FAM135B: variants seen among roughly 807,000 people sequenced by gnomAD.
FAM135B encodes family with sequence similarity 135 member B.
In FAM135B, 43 loss-of-function variants were observed where a neutral mutation model predicts 127.7. That is an observed-to-expected ratio of 0.34 (90% CI 0.26 to 0.43). The LOEUF (loss-of-function observed/expected upper bound fraction) is 0.43, where lower values mean the gene tolerates loss of function less well. FAM135B is among the 20% of genes least tolerant of loss of function. FAM135B has a pLI of 1.00. For synonymous variants in FAM135B, 670 were observed against 665.1 expected (o/e 1.01, Z -0.11); for missense variants, 1,558 against 1,725.6 (o/e 0.90, Z 1.72).
intron 2 of FAM135B, among the ~76,000 whole-genome samples, chr8:138,344,363 T>C (rs1224531461): frequency 6.6e-6 from 1 of 152,108 alleles, no homozygotes; most frequent in African/African-American, 2.4e-5. Flanking sequence ...AGCTCGCCTC[T>C]CCAGCAGCCA....
intron 2 of FAM135B, among the ~76,000 whole-genome samples, chr8:138,361,490 C>G (rs1830416774): frequency 6.6e-6 from 1 of 152,108 alleles, no homozygotes; most frequent in Non-Finnish European, 1.5e-5. Context: ...AATGCAAAGT[C>G]AAATAAGATC....
chr8:138,486,313 A>T (rs1222466845), intron 1 of FAM135B, among the ~76,000 whole-genome samples: 2 of 152,064 alleles, frequency 1.3e-5, no homozygotes, highest in African/African-American at 4.8e-5. Context: ...ATCAGAGGGT[A>T]GTAGGGCTGA....
intron 11 of FAM135B, among the ~76,000 whole-genome samples, chr8:138,171,557 G>C (rs1381979007): frequency 6.6e-6 from 1 of 152,228 alleles, no homozygotes; most frequent in East Asian, 1.9e-4. Flanking sequence ...CTCCCATACA[G>C]TGAACAGTAT....
At chr8:138,482,705 T>C (rs1255589234) in intron 1 of FAM135B, among the ~76,000 whole-genome samples, 2 of 152,202 alleles carry the variant, frequency 1.3e-5, no homozygotes, top group East Asian at 1.9e-4. Flanking sequence ...TTGCATTGTT[T>C]GATGAAAGGA....
chr8:138,180,172 G>A (rs1814873476), intron 9 of FAM135B, among the ~76,000 whole-genome samples: 1 of 152,198 alleles, frequency 6.6e-6, no homozygotes, highest in Admixed American at 6.5e-5. Context: ...TCACATCTCT[G>A]AGGATGGCAG....
chr8:138,218,922 G>T (rs140114676), intron 7 of FAM135B, among the ~76,000 whole-genome samples: 13 of 152,310 alleles, frequency 8.5e-5, no homozygotes, highest in Non-Finnish European at 1.8e-4. Context: ...AAATGAAATT[G>T]AACCAAAATA....
At chr8:138,176,877 C>T (rs566533616) in intron 11 of FAM135B, among the ~76,000 whole-genome samples, 1 of 152,150 alleles carries the variant, frequency 6.6e-6, no homozygotes, top group Non-Finnish European at 1.5e-5. Context: ...GCCTTGAGTA[C>T]CTTTCAATTT....
At chr8:138,344,847 T>C (rs566766591) in intron 2 of FAM135B, among the ~76,000 whole-genome samples, 1 of 152,264 alleles carries the variant, frequency 6.6e-6, no homozygotes, top group South Asian at 2.1e-4. Flanking sequence ...AGTGCTGGGA[T>C]TACAGGCGTG....
At chr8:138,335,094 A>AT (rs1273844180) in intron 2 of FAM135B, among the ~76,000 whole-genome samples, 1 of 152,150 alleles carries the variant, frequency 6.6e-6, no homozygotes, top group Admixed American at 6.5e-5. Flanking sequence ...GTATACTGTG[A>AT]TTTTTTGTTC....
chr8:138,304,828 G>A (rs772536610), intron 3 of FAM135B, among the ~76,000 whole-genome samples: 11 of 152,248 alleles, frequency 7.2e-5, no homozygotes, highest in Non-Finnish European at 1.3e-4. Flanking sequence ...CGAAGTGGAA[G>A]GAAAGGGCCC....
chr8:138,235,294 A>T (rs1337263857), intron 7 of FAM135B, among the ~76,000 whole-genome samples: 1 of 150,078 alleles, frequency 6.7e-6, no homozygotes, highest in African/African-American at 2.5e-5. Context: ...TGGGATGAAG[A>T]CTTGTCATTT....
At chr8:138,355,057 G>C (rs368554158) in intron 2 of FAM135B, among the ~76,000 whole-genome samples, 1 of 151,988 alleles carries the variant, frequency 6.6e-6, no homozygotes, top group Non-Finnish European at 1.5e-5. Context: ...TCCCCTTCCT[G>C]TGTCCAAGTG....
At chr8:138,200,787 C>T (rs904495229) in intron 7 of FAM135B, among the ~76,000 whole-genome samples, 1 of 152,166 alleles carries the variant, frequency 6.6e-6, no homozygotes, top group Non-Finnish European at 1.5e-5. Context: ...TTTCTCTGTT[C>T]CTTGCTTTTA....
intron 3 of FAM135B, among the ~76,000 whole-genome samples, chr8:138,278,390 G>A (rs961975064): frequency 4.6e-5 from 7 of 151,632 alleles, no homozygotes; most frequent in Admixed American, 6.6e-5. Flanking sequence ...GTTAGCTCTC[G>A]TGTCAATGAA....
intron 4 of FAM135B, among the ~76,000 whole-genome samples, chr8:138,262,930 C>T (rs1203284022): frequency 8.1e-6 from 1 of 123,814 alleles, no homozygotes; most frequent in East Asian, 2.3e-4. Context: ...AAGCAACTAA[C>T]AATGGCTGAG....
intron 5 of FAM135B, among the ~76,000 whole-genome samples, chr8:138,252,718 C>CA (rs1821785293): frequency 6.6e-6 from 1 of 151,942 alleles, no homozygotes; most frequent in Non-Finnish European, 1.5e-5. Context: ...ATAAAGCAAA[C>CA]AAAAAAATTA....
At chr8:138,483,341 G>A (rs1275711927) in intron 1 of FAM135B, among the ~76,000 whole-genome samples, 1 of 152,232 alleles carries the variant, frequency 6.6e-6, no homozygotes, top group African/African-American at 2.4e-5. Context: ...ACCAGGAGAG[G>A]AGCGAGGCTT....
intron 7 of FAM135B, among the ~76,000 whole-genome samples, chr8:138,229,042 C>T (rs1261843177): frequency 2.0e-5 from 3 of 150,902 alleles, no homozygotes; most frequent in African/African-American, 4.9e-5. Context: ...AACACTCACA[C>T]GTGTGTGTGT....
At chr8:138,344,577 C>CTTTTTTTTTTTTTTTTTTTTTT (rs869039075) in intron 2 of FAM135B, among the ~76,000 whole-genome samples, 2 of 83,934 alleles carry the variant, frequency 2.4e-5, no homozygotes, top group Non-Finnish European at 5.5e-5. Context: ...TTCTTTCTTT[C>CTTTTTTTTTTTTTTTTTTTTTT]TTTTTTTTTT....
Sources: gnomAD v4.1 joint callset for allele counts (sites outside exome capture counted in the v4.1 genomes callset) on GRCh38, gnomAD v4.1.1 for gene constraint, MANE v1.5 for transcripts, NCBI Gene and HGNC (gene_info 2026-07-23, HGNC 2026-07-21) for gene names.